The following CUX1 variants were observed in gnomAD, a reference collection of about 807,000 sequenced individuals.
CUX1 encodes the protein cut like homeobox 1.
Under a neutral mutation model 158.8 loss-of-function variants are expected in CUX1, and 31 were observed. The ratio of observed to expected loss-of-function variants is 0.20; its 90% CI spans 0.15 to 0.26. The LOEUF is 0.26. Among genes scored for constraint, CUX1 ranks in the 10% least tolerant of loss-of-function variants. The pLI, the probability that CUX1 is intolerant of heterozygous loss-of-function variation, is 1.00. For synonymous variants in CUX1, 879 were observed against 862.1 expected, an observed-to-expected ratio of 1.02 and a Z score of -0.34; for missense variants, 1,589 against 2,014.6, an observed-to-expected ratio of 0.79 and a Z score of 4.04.
exon 23 of CUX1, chr7:102,283,042 G>T: frequency 1.9e-6 from 3 of 1,612,604 alleles, no homozygotes; most frequent in Non-Finnish European, 2.5e-6. Context: ...ACCTGCACAA[G>T]TTCCACGAGA....
At chr7:102,040,835 C>G (rs1821975805) in intron 3 of CUX1, among the ~76,000 whole-genome samples, 1 of 152,214 alleles carries the variant, frequency 6.6e-6, no homozygotes, top group African/African-American at 2.4e-5. Flanking sequence ...CTCTTTCTGC[C>G]CGACTTTGCT....
intron 20 of CUX1, among the ~76,000 whole-genome samples, chr7:102,214,661 CG>C (rs1796871346): frequency 6.6e-6 from 1 of 152,244 alleles, no homozygotes; most frequent in Non-Finnish European, 1.5e-5. Context: ...CACGGCCCCC[CG>C]GAGCCATGCC....
In CUX1 at chr7:102,097,400, A is replaced by C; in HGVS notation, c.305A>C (p.Gln102Pro). Residue 102 changes from glutamine to proline, a missense_variant, in exon 5 of 24, where the codon CAG becomes CCG. Transcript: ENST00000292535. ...GCTTTGGATCTCGGACAGCAACTCC[A>C]GCTCAAAGTGCAGCGCCTGCACGAT... ...VPALDLGQQL[Q>P]LKVQRLHDIE... is the part of the protein sequence containing the mutation. 1 of 1,612,566 alleles carries C rather than the reference A, an allele frequency of 6.2e-7. No individual in the cohort carries two copies. The highest frequency in any genetic ancestry group is 8.5e-7 in the Non-Finnish European group (1 of 1,179,662).
chr7:102,251,571 G>T lies in CUX1; in HGVS notation c.*2529G>T. On this transcript the variant is annotated 3_prime_UTR_variant, in exon 24 of 24. Coordinates refer to ENST00000292535, the MANE Select transcript of CUX1 (RefSeq NM_181552.4). ...TTTCTGAACTTGAAATCCAGTTCAG[G>T]GAGAAGAGAATTCAAAATTAGAGGA... 1.0e-6 allele frequency: 1 copy of T among 985,342 alleles called. No homozygotes were observed. Among genetic ancestry groups the T allele is most frequent in the Non-Finnish European group, 1.2e-6 (1 of 829,924 alleles). 61.0% of individuals were successfully genotyped at this position (985,342 alleles called of 1,614,324 possible). A position where few individuals can be genotyped will look rare whatever the true frequency, so the allele number is the denominator to read the frequency against.
intron 4 of CUX1, among the ~76,000 whole-genome samples, chr7:102,086,397 A>G (rs1827959017): frequency 6.6e-6 from 1 of 151,482 alleles, no homozygotes; most frequent in Non-Finnish European, 1.5e-5. Flanking sequence ...TGTTTGTATG[A>G]TTTCTGTTCT....
At chr7:101,993,714 T>G (rs1815446081) in intron 2 of CUX1, among the ~76,000 whole-genome samples, 1 of 152,160 alleles carries the variant, frequency 6.6e-6, no homozygotes, top group Non-Finnish European at 1.5e-5. Context: ...CAGGGCTGCC[T>G]TTTCCTCTCC....
chr7:102,121,144 G>C (rs1831987062), intron 8 of CUX1, among the ~76,000 whole-genome samples: 1 of 152,098 alleles, frequency 6.6e-6, no homozygotes, highest in South Asian at 2.1e-4. Context: ...GCAAATGTGG[G>C]TGGGATGGAT....
At chr7:101,962,518 C>T (rs1425646475) in intron 2 of CUX1, among the ~76,000 whole-genome samples, 1 of 152,162 alleles carries the variant, frequency 6.6e-6, no homozygotes, top group Admixed American at 6.5e-5. Flanking sequence ...TTCTGTCTTT[C>T]CCGTGTCTGC....
At chr7:102,213,819 G>A (rs1554523853) in intron 20 of CUX1, among the ~76,000 whole-genome samples, 1 of 152,204 alleles carries the variant, frequency 6.6e-6, no homozygotes, top group Non-Finnish European at 1.5e-5. Flanking sequence ...CACTCACAGA[G>A]CTGATGTCCG....
At chr7:101,873,852 TG>T (rs1311919948) in intron 1 of CUX1, among the ~76,000 whole-genome samples, 1 of 152,358 alleles carries the variant, frequency 6.6e-6, no homozygotes, top group East Asian at 1.9e-4. Flanking sequence ...CCCAAAGTGC[TG>T]GGAATACAGG....
chr7:102,138,139 G>A (rs574826179), intron 8 of CUX1, among the ~76,000 whole-genome samples: 92 of 152,072 alleles, frequency 6.0e-4, no homozygotes, highest in Non-Finnish European at 1.0e-3. Flanking sequence ...AGCCAAAATC[G>A]TGCCACTGCA....
intron 1 of CUX1, among the ~76,000 whole-genome samples, chr7:101,877,978 A>C (rs1397716217): frequency 6.6e-6 from 1 of 152,132 alleles, no homozygotes; most frequent in East Asian, 1.9e-4. Context: ...TCCTATAGGG[A>C]GAGGGGCCAG....
intron 8 of CUX1, among the ~76,000 whole-genome samples, chr7:102,119,466 T>C (rs563520974): frequency 6.6e-6 from 1 of 152,354 alleles, no homozygotes; most frequent in African/African-American, 2.4e-5. Flanking sequence ...AGCCTTTATG[T>C]GCAGAACAAG....
chr7:102,005,539 T>C (rs575398217), intron 2 of CUX1, among the ~76,000 whole-genome samples: 2 of 152,234 alleles, frequency 1.3e-5, no homozygotes, highest in South Asian at 2.1e-4. Flanking sequence ...TCTCCCTATC[T>C]TTCCCAGGCT....
chr7:102,204,185 T>C (rs1379840834), intron 18 of CUX1, among the ~76,000 whole-genome samples: 5 of 152,100 alleles, frequency 3.3e-5, no homozygotes, highest in Non-Finnish European at 5.9e-5. Flanking sequence ...CACCCGAAAG[T>C]CCCCCTGTGC....
At chr7:101,928,228 C>T (rs1052996308) in intron 2 of CUX1, among the ~76,000 whole-genome samples, 9 of 152,092 alleles carry the variant, frequency 5.9e-5, no homozygotes, top group African/African-American at 2.2e-4. Flanking sequence ...ACCTCGGAGT[C>T]ATTATGGGCT....
intron 1 of CUX1, among the ~76,000 whole-genome samples, chr7:101,842,619 C>T (rs967070611): frequency 6.6e-6 from 1 of 152,106 alleles, no homozygotes; most frequent in Non-Finnish European, 1.5e-5. Flanking sequence ...CTCCCGGACT[C>T]AAGTGATCCT....
intron 1 of CUX1, among the ~76,000 whole-genome samples, chr7:101,857,970 A>G (rs1562935504): frequency 6.6e-6 from 1 of 152,248 alleles, no homozygotes; most frequent in East Asian, 1.9e-4. Flanking sequence ...TAAAAATACA[A>G]AAATTAGCCG....
chr7:102,263,883 G>C (rs554407195), intron 14 of CUX1, among the ~76,000 whole-genome samples: 35 of 151,362 alleles, frequency 2.3e-4, no homozygotes, highest in African/African-American at 8.3e-4. Context: ...AGTAGAGACG[G>C]GGTTCACCAT....
Sources: gnomAD v4.1 joint callset for allele counts (sites outside exome capture counted in the v4.1 genomes callset) on GRCh38, gnomAD v4.1.1 for gene constraint, MANE v1.5 for transcripts, NCBI Gene and HGNC (gene_info 2026-07-23, HGNC 2026-07-21) for gene names.